The following ATRNL1 variants were observed in gnomAD, a reference collection of about 807,000 sequenced individuals.
ATRNL1 encodes the protein attractin like 1.
Under a neutral mutation model 182.7 loss-of-function variants are expected in ATRNL1, and 95 were observed. The observed-to-expected ratio is 0.52, with a 90% CI of 0.44 to 0.62. The LOEUF is 0.62. Ranked by LOEUF, ATRNL1 falls within the 20% of genes least tolerant of loss-of-function variation. The pLI is 0.00. For synonymous variants in ATRNL1, 576 were observed against 568.3 expected (o/e 1.01, Z -0.19); for missense variants, 1,471 against 1,679.5 (o/e 0.88, Z 2.17).
At chr10:115,283,936 T>G (rs782045336) in intron 14 of ATRNL1, among the ~76,000 whole-genome samples, 5 of 152,204 alleles carry the variant, frequency 3.3e-5, no homozygotes, top group Non-Finnish European at 7.3e-5. Flanking sequence ...TTCTCTTTTC[T>G]TAATTCATAT....
At chr10:115,358,589 T>G (rs1294986359) in intron 19 of ATRNL1, among the ~76,000 whole-genome samples, 1 of 151,710 alleles carries the variant, frequency 6.6e-6, no homozygotes, top group Non-Finnish European at 1.5e-5. Flanking sequence ...TTCGATTAAT[T>G]CTAAGCATTT....
In ATRNL1 at chr10:115,944,869, A is replaced by C; in HGVS notation, c.*90A>C. 7.0e-7 allele frequency: 1 copy of C among 1,425,040 alleles called. No individual in the cohort carries two copies. The highest frequency in any genetic ancestry group is 9.4e-7 in the Non-Finnish European group (1 of 1,066,736). 88.3% of individuals were successfully genotyped at this position (1,425,040 alleles called of 1,614,324 possible). A position where few individuals can be genotyped will look rare whatever the true frequency, so the allele number is the denominator to read the frequency against. On this transcript the variant is annotated 3_prime_UTR_variant, in exon 29 of 29. Transcript: ENST00000355044. ...ATGGCCTTGGATTTTATGGAGGCAGATCTCTGTATCATCCAGAGCCTGAGT... is the reference window on the plus strand; with the variant it reads ...ATGGCCTTGGATTTTATGGAGGCAGCTCTCTGTATCATCCAGAGCCTGAGT...
At chr10:115,411,101 T>C (rs989322595) in intron 20 of ATRNL1, among the ~76,000 whole-genome samples, 2 of 152,180 alleles carry the variant, frequency 1.3e-5, no homozygotes, top group African/African-American at 4.8e-5. Context: ...TTTTAAATAA[T>C]CTGTAATATT....
At chr10:115,421,728 G>A (rs1554961960) in intron 20 of ATRNL1, among the ~76,000 whole-genome samples, 7 of 152,050 alleles carry the variant, frequency 4.6e-5, no homozygotes, top group Admixed American at 6.6e-5. Flanking sequence ...AAAAGAGCTC[G>A]AGTAGCCAAG....
chr10:115,159,536 CT>C, intron 5 of ATRNL1, among the ~76,000 whole-genome samples: 1 of 151,312 alleles, frequency 6.6e-6, no homozygotes, highest in Non-Finnish European at 1.5e-5. Flanking sequence ...AAAATGTAAT[CT>C]TTTTTATGTT....
At chr10:115,245,319 A>G (rs1238849937) in intron 10 of ATRNL1, among the ~76,000 whole-genome samples, 2 of 151,602 alleles carry the variant, frequency 1.3e-5, no homozygotes, top group Non-Finnish European at 2.9e-5. Context: ...ACCAACATGG[A>G]GAAACCCCGT....
chr10:115,634,696 T>G (rs1699603291), intron 26 of ATRNL1, among the ~76,000 whole-genome samples: 1 of 152,124 alleles, frequency 6.6e-6, no homozygotes, highest in Admixed American at 6.5e-5. Context: ...TTTAAAATAT[T>G]TATATGATTT....
chr10:115,237,990 G>A (rs1286698959), intron 9 of ATRNL1, among the ~76,000 whole-genome samples: 2 of 152,106 alleles, frequency 1.3e-5, no homozygotes, highest in South Asian at 4.1e-4. Flanking sequence ...TTGTCCAATA[G>A]ACAGTCCTTT....
intron 5 of ATRNL1, among the ~76,000 whole-genome samples, chr10:115,139,818 T>C (rs1001731965): frequency 6.6e-6 from 1 of 152,236 alleles, no homozygotes; most frequent in African/African-American, 2.4e-5. Flanking sequence ...AGAATGTTCA[T>C]TAGAGAGAAA....
intron 19 of ATRNL1, among the ~76,000 whole-genome samples, chr10:115,393,803 G>T (rs1844154147): frequency 6.6e-6 from 1 of 152,076 alleles, no homozygotes; most frequent in South Asian, 2.1e-4. Flanking sequence ...CAATTGACTG[G>T]ATGTTGGACA....
At chr10:115,840,501 A>G (rs924522614) in intron 27 of ATRNL1, among the ~76,000 whole-genome samples, 12 of 152,250 alleles carry the variant, frequency 7.9e-5, no homozygotes, top group Admixed American at 6.5e-4. Context: ...TAATCATTAT[A>G]ATAACACTGT....
intron 26 of ATRNL1, among the ~76,000 whole-genome samples, chr10:115,613,407 T>C (rs1555019669): frequency 6.6e-6 from 1 of 152,190 alleles, no homozygotes; most frequent in East Asian, 1.9e-4. Context: ...ATCTTGTTGA[T>C]GCTCTGTTAG....
chr10:115,227,496 T>G (rs1849748045), intron 9 of ATRNL1, among the ~76,000 whole-genome samples: 1 of 152,168 alleles, frequency 6.6e-6, no homozygotes, highest in Admixed American at 6.6e-5. Context: ...TCAGCCACTG[T>G]GGAAAATAGT....
chr10:115,763,198 C>A (rs2960709), intron 27 of ATRNL1, among the ~76,000 whole-genome samples: 2 of 152,004 alleles, frequency 1.3e-5, no homozygotes, highest in Non-Finnish European at 2.9e-5. Context: ...ATTCATTTAT[C>A]CATCATTCAA....
At position 115,416,496 on chromosome 10, in the gene ATRNL1, C is replaced by A. The variant is rs61882299; in HGVS notation, c.3270-9754C>A. 8.5e-3 allele frequency among the ~76,000 whole-genome samples: 1,291 copies of A among 152,050 alleles called. 7 individuals carry two copies. Among genetic ancestry groups the A allele is most frequent in the Non-Finnish European group, 0.014 (933 of 67,920 alleles). On this transcript the variant is annotated intron_variant, in intron 20 of 28. Transcript: ENST00000355044. ...TAAATATTTAATAGAGAATGTAGTT[C>A]TTGTATTGGACACCTTCCAGAATTC...
intron 27 of ATRNL1, among the ~76,000 whole-genome samples, chr10:115,841,731 C>G (rs1950813520): frequency 6.6e-6 from 1 of 151,964 alleles, no homozygotes; most frequent in African/African-American, 2.4e-5. Flanking sequence ...TCATTTCATG[C>G]AAAGCAAAAA....
chr10:115,875,095 T>C (rs1212001381), intron 28 of ATRNL1, among the ~76,000 whole-genome samples: 14 of 152,296 alleles, frequency 9.2e-5, no homozygotes, highest in African/African-American at 2.9e-4. Flanking sequence ...AAGTGGAAAT[T>C]GATAGGACTT....
chr10:115,407,804 T>C (rs1272647259), intron 20 of ATRNL1, among the ~76,000 whole-genome samples: 4 of 152,110 alleles, frequency 2.6e-5, no homozygotes, highest in Non-Finnish European at 4.4e-5. Context: ...TTGAGAAATT[T>C]CCATACTGTT....
At chr10:115,718,881 G>C (rs1393340027) in intron 26 of ATRNL1, among the ~76,000 whole-genome samples, 1 of 152,174 alleles carries the variant, frequency 6.6e-6, no homozygotes, top group African/African-American at 2.4e-5. Flanking sequence ...ACATGGTTCA[G>C]AAGAGTCTCT....
Sources: allele counts gnomAD v4.1 joint callset (sites outside exome capture counted in the v4.1 genomes callset), GRCh38; gene constraint gnomAD v4.1.1; transcripts MANE v1.5; gene names NCBI Gene and HGNC (gene_info 2026-07-23, HGNC 2026-07-21).